The following NFXL1 variants were observed in gnomAD, a reference collection of about 807,000 sequenced individuals.
NFXL1 encodes NF-X1-type zinc finger protein NFXL1.
Under a neutral mutation model 123.3 loss-of-function variants are expected in NFXL1, and 66 were observed. The ratio of observed to expected loss-of-function variants is 0.54; its 90% CI spans 0.44 to 0.66. The LOEUF is 0.66. Among genes scored for constraint, NFXL1 ranks in the 30% least tolerant of loss-of-function variants. The pLI is 0.00. For synonymous variants in NFXL1, 346 were observed against 360.8 expected (o/e 0.96, Z 0.46); for missense variants, 944 against 1,125.6 (o/e 0.84, Z 2.31).
At chr4:47,893,405 A>C (rs1441845344) in intron 11 of NFXL1, among the ~76,000 whole-genome samples, 1 of 152,160 alleles carries the variant, frequency 6.6e-6, no homozygotes, top group African/African-American at 2.4e-5. Flanking sequence ...ACCAGAAACA[A>C]ACTGCTGTAA....
At chr4:47,868,584 T>G (rs1379654448) in intron 18 of NFXL1, among the ~76,000 whole-genome samples, 1 of 148,244 alleles carries the variant, frequency 6.7e-6, no homozygotes, top group African/African-American at 2.5e-5. Context: ...AAAAAAAAAG[T>G]AATCAACCAC....
intron 15 of NFXL1, among the ~76,000 whole-genome samples, chr4:47,880,143 C>A (rs1735999930): frequency 6.6e-6 from 1 of 152,044 alleles, no homozygotes; most frequent in Non-Finnish European, 1.5e-5. Context: ...CACCTGTAAT[C>A]CCTACACTTT....
rs1455026064 is a variant in NFXL1, at chr4:47,848,186, A to G, written c.2713T>C (p.Tyr905His). The G allele has an allele frequency of 6.2e-7, 1 of 1,602,060 alleles. No individual in the cohort carries two copies. The highest frequency in any genetic ancestry group is 8.5e-7 in the Non-Finnish European group (1 of 1,172,700). ...CGVVVVVFAW[Y>H]ITHDVN ...TTTTAATTGACATCATGGGTGATGT[A>G]CCAGGCAAACACTACAACCACAACT... Residue 905 changes from tyrosine to histidine, a missense_variant, in exon 23 of 23, where the codon TAC becomes CAC. By Grantham distance (83) the Tyr-to-His change is moderately conservative. This residue lies in a region of NFXL1 where 301 missense variants were observed against 348.0 expected (regional missense o/e 0.86). Coordinates refer to ENST00000507489, the MANE Select transcript of NFXL1 (RefSeq NM_001278624.2).
intron 15 of NFXL1, among the ~76,000 whole-genome samples, chr4:47,881,933 A>G (rs1267616143): frequency 1.3e-5 from 2 of 152,182 alleles, no homozygotes; most frequent in Admixed American, 1.3e-4. Context: ...TAGGGCAGTG[A>G]AACTATTCTG....
intron 18 of NFXL1, among the ~76,000 whole-genome samples, chr4:47,872,587 C>A (rs1321474899): frequency 6.6e-6 from 1 of 152,150 alleles, no homozygotes; most frequent in Non-Finnish European, 1.5e-5. Context: ...AAGTCACACA[C>A]ATTTTTTGGC....
chr4:47,900,800 G>C (rs900756616), intron 5 of NFXL1, among the ~76,000 whole-genome samples: 1 of 152,134 alleles, frequency 6.6e-6, no homozygotes, highest in African/African-American at 2.4e-5. Context: ...ACGAGAACAT[G>C]TTCTGTTTCC....
intron 3 of NFXL1, among the ~76,000 whole-genome samples, chr4:47,906,619 C>A (rs140842591): frequency 2.0e-5 from 3 of 151,956 alleles, no homozygotes; most frequent in Non-Finnish European, 4.4e-5. Context: ...TAGTATGGGG[C>A]GCCTATTTTG....
intron 13 of NFXL1, 83 bp downstream of exon 13, chr4:47,885,796 A>G (rs2110080620): frequency 6.7e-7 from 1 of 1,491,384 alleles, no homozygotes; most frequent in Non-Finnish European, 9.1e-7. Flanking sequence ...AAAACACTAA[A>G]GCAAAATTAA....
chr4:47,877,130 T>C (rs1017393264), intron 17 of NFXL1: 4 of 574,806 alleles, frequency 7.0e-6, no homozygotes, highest in Admixed American at 2.3e-5. Context: ...CACAGTACTT[T>C]CTGATTTGCT....
intron 19 of NFXL1, among the ~76,000 whole-genome samples, chr4:47,859,451 A>ACTG: frequency 6.6e-6 from 1 of 152,350 alleles, no homozygotes; most frequent in African/African-American, 2.4e-5. Flanking sequence ...TTATATATGA[A>ACTG]TAAGTTCAGT....
At chr4:47,886,818 T>C (rs1736460797) in intron 12 of NFXL1, among the ~76,000 whole-genome samples, 1 of 152,234 alleles carries the variant, frequency 6.6e-6, no homozygotes, top group South Asian at 2.1e-4. Flanking sequence ...TTTAAGTCTT[T>C]GGAAAATTTA....
At chr4:47,891,375 G>T (rs1736761308) in intron 11 of NFXL1, among the ~76,000 whole-genome samples, 1 of 152,102 alleles carries the variant, frequency 6.6e-6, no homozygotes, top group South Asian at 2.1e-4. Flanking sequence ...GCCTCCCAAA[G>T]TACTTGGATT....
intron 19 of NFXL1, among the ~76,000 whole-genome samples, chr4:47,857,008 C>T (rs1006155892): frequency 1.3e-5 from 2 of 152,128 alleles, no homozygotes; most frequent in Non-Finnish European, 2.9e-5. Context: ...GTCTCTATAT[C>T]CTCTTTCCTT....
intron 1 of NFXL1, 24 bp from the exon 2 acceptor site, chr4:47,914,229 A>AG: frequency 7.0e-7 from 1 of 1,429,742 alleles, no homozygotes; most frequent in Non-Finnish European, 9.2e-7. Flanking sequence ...AAAAAAAAAA[A>AG]AGAGTGGAAG....
In NFXL1 at chr4:47,899,536, C is replaced by T; in HGVS notation, c.660G>A (p.Arg220=). 1 of 1,609,302 alleles carries T rather than the reference C, an allele frequency of 6.2e-7. No homozygotes were observed. The highest frequency in any genetic ancestry group is 1.1e-5 in the South Asian group (1 of 90,736). ...GTGTTTCAGATCGTTTGTATTCAAA[C>T]CTACATTTTGGACTACAAAGAAGAA... ...KDCPWPCPKC[R]FEYKRSETPS... The change falls in exon 6 of 23, where the codon AGG becomes AGA. Residue 220 remains arginine, a synonymous_variant. Transcript: ENST00000507489.
At chr4:47,863,477 T>C (rs1416601767) in intron 18 of NFXL1, among the ~76,000 whole-genome samples, 1 of 152,014 alleles carries the variant, frequency 6.6e-6, no homozygotes, top group African/African-American at 2.4e-5. Context: ...AGGCTGGGAG[T>C]TCGAGACCAG....
chr4:47,905,244 T>C lies in NFXL1; in HGVS notation c.509A>G (p.Asn170Ser), dbSNP rs775697701. 6.8e-7 allele frequency: 1 copy of C among 1,480,284 alleles called. No individual in the cohort carries two copies. The highest frequency in any genetic ancestry group is 1.2e-5 in the South Asian group (1 of 85,374). 91.7% of individuals were successfully genotyped at this position (1,480,284 alleles called of 1,614,324 possible). Residue 170 changes from asparagine (N) to serine (S), a missense_variant, in exon 4 of 23, where the codon AAC (asparagine) becomes AGC (serine). Asn to Ser is a conservative substitution (Grantham distance 46). Coordinates refer to ENST00000507489, the MANE Select transcript of NFXL1 (RefSeq NM_001278624.2). ...ATAAGGAGAAAAACTTACTGCTTGG[T>C]TTCTCTTCACCGAAGCAATACAAAT... is the stretch of plus-strand genomic sequence containing the variant. ...CLICIASVKR[N>S]QAVWSCSGCF...
In NFXL1 at chr4:47,884,365, A is replaced by G. The variant is rs762491775; in HGVS notation, c.1897T>C (p.Cys633Arg). 1.2e-6 allele frequency: 2 copies of G among 1,602,528 alleles called. No homozygotes were observed. Among genetic ancestry groups the G allele is most frequent in the Non-Finnish European group, 1.7e-6 (2 of 1,171,406 alleles). ...FIQTALPCPP[C>R]QVPIPMECLG... ...ACTTACATAGGAATAGGAACTTGAC[A>G]TGGAGGACACGGTAATGCAGTCTGA... Residue 633 changes from cysteine (C) to arginine (R), a missense_variant, in exon 15 of 23, where the codon TGT (cysteine) becomes CGT (arginine). By Grantham distance (180) the Cys-to-Arg change is radical. Transcript: ENST00000507489.
intron 19 of NFXL1, among the ~76,000 whole-genome samples, chr4:47,861,034 AT>A (rs1734736233): frequency 7.9e-6 from 1 of 126,780 alleles, no homozygotes; most frequent in African/African-American, 2.9e-5. Flanking sequence ...TTTTTTTTGT[AT>A]TTTTTAGTAG....
Sources: gnomAD v4.1 joint callset for allele counts (sites outside exome capture counted in the v4.1 genomes callset) on GRCh38, gnomAD v4.1.1 for gene constraint, gnomAD v4.1.1 regional missense constraint, MANE v1.5 for transcripts, NCBI Gene and HGNC (gene_info 2026-07-23, HGNC 2026-07-21) for gene names.